WDSUB1: variants seen among roughly 807,000 people sequenced by gnomAD.
WDSUB1 encodes the protein WD repeat, SAM and U-box domain-containing protein 1.
In WDSUB1, 49 loss-of-function variants were observed where a neutral mutation model predicts 53.9. The observed-to-expected ratio is 0.91, with a 90% CI of 0.72 to 1.15. The LOEUF (loss-of-function observed/expected upper bound fraction) is 1.15, where lower values mean the gene tolerates loss of function less well. Among genes scored for constraint, WDSUB1 ranks in the 50% most tolerant of loss-of-function variants. The probability of loss-of-function intolerance (pLI) is 0.00; values close to 1 mark genes in which losing one functional copy is unlikely to be tolerated. For missense variants in WDSUB1, 514 were observed against 562.0 expected (o/e 0.91, Z 0.86); for synonymous variants, 194 against 200.6 (o/e 0.97, Z 0.28).
intron 2 of WDSUB1, among the ~76,000 whole-genome samples, chr2:159,281,958 C>T (rs2061674211): frequency 6.6e-6 from 1 of 152,006 alleles, no homozygotes; most frequent in Non-Finnish European, 1.5e-5. Flanking sequence ...GCCTGGGCAA[C>T]AAGAGTGAAA....
chr2:159,257,836 T>G lies in WDSUB1; in HGVS notation c.874A>C (p.Asn292His). ...RYVTTCAFAP[N>H]TLLLATGSMD... ...GAACCAGTAGCAAGTAAAAGGGTATTAGGTGCAAAAGCACAAGTTGTGACA... is the reference window on the plus strand; with the variant it reads ...GAACCAGTAGCAAGTAAAAGGGTATGAGGTGCAAAAGCACAAGTTGTGACA... The change falls in exon 8 of 11, where the codon AAT becomes CAT. Residue 292 changes from asparagine to histidine, a missense_variant. Transcript: ENST00000359774. The G allele has an allele frequency of 1.2e-6, 2 of 1,614,196 alleles. No individual in the cohort carries two copies. Among genetic ancestry groups the G allele is most frequent in the Non-Finnish European group, 1.7e-6 (2 of 1,180,010 alleles).
At chr2:159,278,203 CTTGT>C (rs1213921806) in intron 3 of WDSUB1, among the ~76,000 whole-genome samples, 6 of 152,296 alleles carry the variant, frequency 3.9e-5, no homozygotes, top group African/African-American at 7.2e-5. Context: ...GAAGCAATGG[CTTGT>C]TTGTTACAAG....
At chr2:159,258,627 A>G (rs2061120881) in intron 6 of WDSUB1, among the ~76,000 whole-genome samples, 1 of 152,158 alleles carries the variant, frequency 6.6e-6, no homozygotes. Context: ...CCACTGCACT[A>G]CGGCCTGGGC....
intron 5 of WDSUB1, among the ~76,000 whole-genome samples, chr2:159,264,538 G>A (rs1028955792): frequency 2.6e-5 from 4 of 152,170 alleles, no homozygotes; most frequent in Non-Finnish European, 5.9e-5. Context: ...CACCCCTTCT[G>A]GGGTAAGATT....
At position 159,256,276 on chromosome 2, in the gene WDSUB1, CCAA is replaced by C; in HGVS notation, c.1049_1051del (p.Val350del). Reference sequence around the variant, plus strand: ...ATCAATGTTATTCATCTTGAAAATACCAACAAGATCTTTTAAATCTTGTGCACA... The same window carrying C: ...ATCAATGTTATTCATCTTGAAAATACCAAGATCTTTTAAATCTTGTGCACA... On this transcript the variant is annotated inframe_deletion, in exon 9 of 11. Coordinates refer to ENST00000359774, the MANE Select transcript of WDSUB1 (RefSeq NM_001128212.3). 6.2e-7 allele frequency: 1 copy of C among 1,611,856 alleles called. No homozygotes were observed. Among genetic ancestry groups the C allele is most frequent in the Non-Finnish European group, 8.5e-7 (1 of 1,179,252 alleles).
At chr2:159,251,035 G>A (rs1230825132) in intron 9 of WDSUB1, among the ~76,000 whole-genome samples, 1 of 151,828 alleles carries the variant, frequency 6.6e-6, no homozygotes, top group East Asian at 1.9e-4. Context: ...GGCCAAGGTG[G>A]GAGCACTGCT....
intron 5 of WDSUB1, among the ~76,000 whole-genome samples, chr2:159,265,481 C>T (rs755307357): frequency 6.6e-6 from 1 of 152,088 alleles, no homozygotes; most frequent in Non-Finnish European, 1.5e-5. Flanking sequence ...CCTGTAATCC[C>T]AACACTTTGG....
At position 159,275,557 on chromosome 2, in the gene WDSUB1, G is replaced by A; in HGVS notation, c.665C>T (p.Thr222Ile). 6.2e-7 allele frequency: 1 copy of A among 1,600,862 alleles called. No homozygotes were observed. The highest frequency in any genetic ancestry group is 8.5e-7 in the Non-Finnish European group (1 of 1,176,382). The change falls in exon 4 of 11, where the codon ACC becomes ATC. Residue 222 changes from threonine (T) to isoleucine (I), a missense_variant. Transcript: ENST00000359774. ...TTTGGCATACATACCTAAGATATGGGTAAAAGAAACAATCCAAATTTTGAC... is the reference window on the plus strand; with the variant it reads ...TTTGGCATACATACCTAAGATATGGATAAAAGAAACAATCCAAATTTTGAC... ...CQVKIWIVSF[T>I]HILGFELKYK...
intron 10 of WDSUB1, among the ~76,000 whole-genome samples, chr2:159,237,162 G>A (rs537031227): frequency 6.6e-6 from 1 of 152,080 alleles, no homozygotes; most frequent in Non-Finnish European, 1.5e-5. Flanking sequence ...GGTTCTTTCC[G>A]TCATCAAGGA....
chr2:159,280,601 G>GA (rs983070115), intron 2 of WDSUB1, among the ~76,000 whole-genome samples: 1 of 145,928 alleles, frequency 6.9e-6, no homozygotes, highest in Non-Finnish European at 1.5e-5. Context: ...TGAGGCAGGA[G>GA]AATGGCGTGA....
At chr2:159,286,072 A>G (rs556093454) in intron 1 of WDSUB1, among the ~76,000 whole-genome samples, 1 of 152,276 alleles carries the variant, frequency 6.6e-6, no homozygotes, top group Admixed American at 6.5e-5. Flanking sequence ...AGGCCTACCC[A>G]GGACCTGCCT....
intron 5 of WDSUB1, among the ~76,000 whole-genome samples, chr2:159,271,078 G>C (rs2061435393): frequency 6.6e-6 from 1 of 152,130 alleles, no homozygotes; most frequent in Non-Finnish European, 1.5e-5. Flanking sequence ...ACAATACCAA[G>C]TACAGGCTAG....
chr2:159,238,855 C>T (rs1289033080), intron 10 of WDSUB1, among the ~76,000 whole-genome samples: 1 of 134,972 alleles, frequency 7.4e-6, no homozygotes, highest in Non-Finnish European at 1.5e-5. Context: ...CATGTCAACC[C>T]TATGAAATGG....
At chr2:159,243,088 A>G (rs779755302) in intron 10 of WDSUB1, among the ~76,000 whole-genome samples, 1 of 148,116 alleles carries the variant, frequency 6.8e-6, no homozygotes, top group Non-Finnish European at 1.5e-5. Flanking sequence ...GCTATTAATG[A>G]TTAGGATTGG....
chr2:159,252,584 C>T (rs1008882520), intron 9 of WDSUB1, among the ~76,000 whole-genome samples: 1 of 152,134 alleles, frequency 6.6e-6, no homozygotes, highest in Non-Finnish European at 1.5e-5. Context: ...GGGGTCATTG[C>T]ACAGTAACTA....
intron 9 of WDSUB1, among the ~76,000 whole-genome samples, chr2:159,249,690 C>T (rs535775623): frequency 1.2e-4 from 19 of 152,156 alleles, no homozygotes; most frequent in African/African-American, 4.3e-4. Flanking sequence ...GCTTAGCCCC[C>T]TCATAAGACT....
intron 10 of WDSUB1, among the ~76,000 whole-genome samples, chr2:159,237,581 T>G (rs925915691): frequency 1.3e-5 from 2 of 152,014 alleles, no homozygotes; most frequent in Non-Finnish European, 2.9e-5. Flanking sequence ...AATCTAACCC[T>G]GTCCAATCCT....
chr2:159,264,609 G>GTGGGGCAAGCGC (rs1447437664), intron 5 of WDSUB1, among the ~76,000 whole-genome samples: 2 of 152,158 alleles, frequency 1.3e-5, no homozygotes, highest in African/African-American at 4.8e-5. Flanking sequence ...ACTGGAGAGT[G>GTGGGGCAAGCGC]TGGGGCAAGC....
intron 5 of WDSUB1, among the ~76,000 whole-genome samples, chr2:159,261,892 ATATATTTTTTTTTTTTTTTTTT>A (rs1337673771): frequency 9.8e-4 from 13 of 13,226 alleles, no homozygotes; most frequent in Non-Finnish European, 1.2e-3. Flanking sequence ...ATATATATAT[ATATATTTTTTTTTTTTTTTTTT>A]TTTTTTTTTT....
Sources: allele counts gnomAD v4.1 joint callset (sites outside exome capture counted in the v4.1 genomes callset), GRCh38; gene constraint gnomAD v4.1.1; transcripts MANE v1.5; gene names NCBI Gene and HGNC (gene_info 2026-07-23, HGNC 2026-07-21).